Variants in HMCN2 observed in about 807,000 individuals in gnomAD.
HMCN2 encodes hemicentin-2.
HMCN2 carries 325 observed loss-of-function variants against 377.5 expected under a neutral mutation model. The ratio of observed to expected loss-of-function variants is 0.86; its 90% CI spans 0.79 to 0.94. HMCN2 has a LOEUF of 0.94. Among genes scored for constraint, HMCN2 ranks in the 40% least tolerant of loss-of-function variants. The pLI is 0.00. For missense variants in HMCN2, 4,543 were observed against 4,725.3 expected (o/e 0.96, Z 1.13); for synonymous variants, 2,007 against 2,046.8 (o/e 0.98, Z 0.53).
Position 130,400,891 on chromosome 9 carries a change from G to A in HMCN2, c.11714G>A (p.Ser3905Asn). The A allele has an allele frequency of 1.0e-5, 13 of 1,289,546 alleles. No homozygotes were observed. The highest frequency in any genetic ancestry group is 1.1e-5 in the Non-Finnish European group (11 of 988,732). The allele number at this position is 1,289,546 out of a possible 1,614,324, so 79.9% of individuals were successfully genotyped here. Residue 3905 changes from serine to asparagine, a missense_variant, in exon 77 of 98, where the codon AGC becomes AAC. Physicochemically the swap from Ser to Asn is conservative, Grantham distance 46. Coordinates refer to ENST00000683500, the MANE Select transcript of HMCN2 (RefSeq NM_001291815.2). ...TGIPAPTVSW[S>N]KAGAQLGARG... Reference sequence around the variant, plus strand: ...ATACCAGCTCCGACCGTGTCCTGGAGCAAGGCAGGCGCCCAGCTAGGAGCT... The same window carrying A: ...ATACCAGCTCCGACCGTGTCCTGGAACAAGGCAGGCGCCCAGCTAGGAGCT...
rs913316438 is a variant in HMCN2, at chr9:130,391,062, G to A, written c.9609G>A (p.Thr3203=). The A allele has an allele frequency of 7.1e-6, 7 of 987,864 alleles. No individual in the cohort carries two copies. The highest frequency in any genetic ancestry group is 1.7e-5 in the African/African-American group (1 of 57,304). The allele number at this position is 987,864 out of a possible 1,614,324, so 61.2% of individuals were successfully genotyped here. ...RLQPAQAGTY[T]CVAENTQAEA... The stretch of plus-strand genomic sequence containing the variant: ...AACCGGCCCAGGCGGGCACCTACAC[G>A]TGCGTGGCTGAGAACACCCAGGCTG... Residue 3203 remains threonine (T), a synonymous_variant, in exon 63 of 98, where the codon ACG becomes ACA. Coordinates refer to ENST00000683500, the MANE Select transcript of HMCN2 (RefSeq NM_001291815.2).
Position 130,425,145 on chromosome 9 carries a change from C to A in HMCN2, c.13641+15C>A. ...TTCAAGTGCAGGTCGGGGGTCAAGC[C>A]CTGGGGTGTGCAGACAGGGTAGGTG... On this transcript the variant is annotated intron_variant, in intron 89 of 97. Coordinates refer to ENST00000683500, the MANE Select transcript of HMCN2 (RefSeq NM_001291815.2). 2 of 1,539,304 alleles carry A rather than the reference C, an allele frequency of 1.3e-6. No individual in the cohort carries two copies. The highest frequency in any genetic ancestry group is 1.8e-6 in the Non-Finnish European group (2 of 1,141,210).
In HMCN2 at chr9:130,365,881, C is replaced by T. The variant is rs1840665260; in HGVS notation, c.6511C>T (p.Pro2171Ser). ...KHYNLNVWVA[P>S]VFPLRESHTL... ...CTCTCTCTGCTCTGACTCAGTTGCT[C>T]CAGTGTTCCCCTTGAGGGAATCCCA... The change falls in exon 43 of 98, where the codon CCA becomes TCA. Residue 2171 changes from proline to serine, a missense_variant. Pro to Ser is a moderately conservative substitution (Grantham distance 74). This residue lies in a region of HMCN2 where 1,032 missense variants were observed against 1,285.1 expected (regional missense o/e 0.80). Transcript: ENST00000683500. 4 of 985,640 alleles carry T rather than the reference C, an allele frequency of 4.1e-6. No homozygotes were observed. The highest frequency in any genetic ancestry group is 3.5e-5 in the African/African-American group (2 of 57,228). 61.1% of individuals were successfully genotyped at this position (985,640 alleles called of 1,614,324 possible).
intron 1 of HMCN2, among the ~76,000 whole-genome samples, chr9:130,276,804 A>C (rs1834719891): frequency 6.6e-6 from 1 of 152,076 alleles, no homozygotes; most frequent in Non-Finnish European, 1.5e-5. Flanking sequence ...CCTGCCCTTT[A>C]GAGATGGGAT....
rs1554927583 is a variant in HMCN2 at position 130,286,179 on chromosome 9, A to G, written c.490-9A>G. The G allele has an allele frequency of 4.2e-6, 2 of 470,644 alleles. No individual in the cohort carries two copies. The highest frequency in any genetic ancestry group is 3.6e-4 in the Middle Eastern group (1 of 2,760). The allele number at this position is 470,644 out of a possible 1,614,324, so 29.2% of individuals were successfully genotyped here. A position where few individuals can be genotyped will look rare whatever the true frequency, so the allele number is the denominator to read the frequency against. On this transcript the variant is annotated splice_polypyrimidine_tract_variant and intron_variant, in intron 3 of 97. Coordinates refer to ENST00000683500, the MANE Select transcript of HMCN2 (RefSeq NM_001291815.2). ...GAAGTCGAGAGCAGGCTGCACGTCC[A>G]TCTTCCAGGTGGTCTTTGTGCTGAC...
Position 130,303,033 on chromosome 9 carries a change from G to C in HMCN2, c.1421+32G>C. On this transcript the variant is annotated intron_variant, in intron 9 of 97. Coordinates refer to ENST00000683500, the MANE Select transcript of HMCN2 (RefSeq NM_001291815.2). This position sits in a 1 kb window ranked among gnomAD's most constrained non-coding sequence, Gnocchi z 5.2. ...GGCCCACGGCAGCTGATTGTCCCCA[G>C]CCACAGGGCTCCTGGCTGCTGAGGC... The C allele has an allele frequency of 2.2e-6, 1 of 453,162 alleles. No individual in the cohort carries two copies. The highest frequency in any genetic ancestry group is 1.6e-5 in the South Asian group (1 of 61,466). The allele number at this position is 453,162 out of a possible 1,614,324, so 28.1% of individuals were successfully genotyped here.
chr9:130,297,076 C>A (rs1436253417), intron 7 of HMCN2, among the ~76,000 whole-genome samples: 3 of 152,232 alleles, frequency 2.0e-5, no homozygotes, highest in African/African-American at 7.2e-5. Context: ...AGGACACTTA[C>A]ACTGTGCCCT....
chr9:130,345,881 G>C lies in HMCN2; in HGVS notation c.3830-1285G>C, dbSNP rs1056895201. Reference sequence around the variant, plus strand: ...TGGGCGGTCAGGGTAGGGCGGAGGGGGCAGGGCAGCCTCCTGCAGAGATGA... The same window carrying C: ...TGGGCGGTCAGGGTAGGGCGGAGGGCGCAGGGCAGCCTCCTGCAGAGATGA... On this transcript the variant is annotated intron_variant, in intron 25 of 97. Transcript: ENST00000683500. 1.6e-3 allele frequency among the ~76,000 whole-genome samples: 247 copies of C among 152,120 alleles called. 3 individuals are homozygous for C. Among genetic ancestry groups the C allele is most frequent in the Middle Eastern group, 6.8e-3 (2 of 294 alleles).
Position 130,405,017 on chromosome 9 carries a change from C to T in HMCN2, c.12297C>T (p.Phe4099=), listed in dbSNP as rs1484146739. Residue 4099 remains phenylalanine (F), a synonymous_variant, in exon 81 of 98, where the codon TTC becomes TTT. Transcript: ENST00000683500. ...CTGTGTCGGGCGCCGAGGGGAAGTTCACCATCCAGCCTTCTGGGGAGTTGC... is the reference window on the plus strand; with the variant it reads ...CTGTGTCGGGCGCCGAGGGGAAGTTTACCATCCAGCCTTCTGGGGAGTTGC... ...GQPVSGAEGK[F]TIQPSGELLV... The T allele has an allele frequency of 7.8e-6, 10 of 1,289,306 alleles. No individual in the cohort carries two copies. Among genetic ancestry groups the T allele is most frequent in the Non-Finnish European group, 1.0e-5 (10 of 988,652 alleles). The allele number at this position is 1,289,306 out of a possible 1,614,324, so 79.9% of individuals were successfully genotyped here.
At chr9:130,349,217 A>C in intron 28 of HMCN2, 86 bp downstream of exon 28, 1 of 1,229,700 alleles carries the variant, frequency 8.1e-7, no homozygotes. Flanking sequence ...GAGAGGGTAG[A>C]CTTTGCCTGC....
At chr9:130,335,915 A>G (rs1838726473) in intron 22 of HMCN2, among the ~76,000 whole-genome samples, 1 of 152,206 alleles carries the variant, frequency 6.6e-6, no homozygotes, top group Admixed American at 6.5e-5. Flanking sequence ...TAAAACCCCA[A>G]TTCCTACCTC....
chr9:130,359,393 G>T lies in HMCN2; in HGVS notation c.5752G>T (p.Ala1918Ser). ...TGCCTCAGTGACCTTGGAGTGTCTG[G>T]CTTCGGGCGTGCCCCCTCCTGGTAA... is the stretch of plus-strand genomic sequence containing the variant. ...ENASVTLECL[A>S]SGVPPPDVSW... The change falls in exon 37 of 98, where the codon GCT becomes TCT. Residue 1918 changes from alanine to serine, a missense_variant. Physicochemically the swap from Ala to Ser is moderately conservative, Grantham distance 99. Transcript: ENST00000683500. 1.5e-6 allele frequency: 2 copies of T among 1,303,148 alleles called. No individual in the cohort carries two copies. Among genetic ancestry groups the T allele is most frequent in the South Asian group, 1.2e-5 (1 of 80,962 alleles). 80.7% of individuals were successfully genotyped at this position (1,303,148 alleles called of 1,614,324 possible). A position where few individuals can be genotyped will look rare whatever the true frequency, so the allele number is the denominator to read the frequency against.
rs1296352636 is a variant in HMCN2 at position 130,433,703 on chromosome 9, G to A, written c.*10G>A. The A allele has an allele frequency of 3.4e-6, 5 of 1,455,000 alleles. No individual in the cohort carries two copies. Among genetic ancestry groups the A allele is most frequent in the Admixed American group, 2.9e-5 (1 of 34,220 alleles). 90.1% of individuals were successfully genotyped at this position (1,455,000 alleles called of 1,614,324 possible). ...CCCCTACCCCTACTAAACGGGAGAG[G>A]GCATTGGCGGCCGCCCTGGCGTGAC... On this transcript the variant is annotated 3_prime_UTR_variant, in exon 98 of 98. Transcript: ENST00000683500.
intron 12 of HMCN2, among the ~76,000 whole-genome samples, 157 bp from the exon 13 acceptor site, chr9:130,306,654 G>A (rs1056690893): frequency 1.4e-4 from 21 of 147,430 alleles, no homozygotes; most frequent in African/African-American, 4.3e-4. Context: ...TCTGAGCCTC[G>A]AGAATTAAAT....
At chr9:130,311,229 G>C (rs2131367819) in intron 15 of HMCN2, among the ~76,000 whole-genome samples, 1 of 152,362 alleles carries the variant, frequency 6.6e-6, no homozygotes, top group Non-Finnish European at 1.5e-5. Context: ...TGCTGGTCTG[G>C]GCTGAATGGG....
intron 6 of HMCN2, among the ~76,000 whole-genome samples, chr9:130,296,449 C>T (rs1836155458): frequency 6.6e-6 from 1 of 152,226 alleles, no homozygotes; most frequent in Non-Finnish European, 1.5e-5. Flanking sequence ...GCAACACAGC[C>T]TCAAGAGGGC....
Position 130,388,434 on chromosome 9 carries a change from G to T in HMCN2, c.9417G>T (p.Lys3139Asn). 1 of 988,020 alleles carries T rather than the reference G, an allele frequency of 1.0e-6. No individual in the cohort carries two copies. The highest frequency in any genetic ancestry group is 1.2e-6 in the Non-Finnish European group (1 of 830,118). The allele number at this position is 988,020 out of a possible 1,614,324, so 61.2% of individuals were successfully genotyped here. ...VQVPPTFENP[K>N]TETVSQVAGS... ...TGCCCCCAACATTTGAGAACCCCAA[G>T]ACAGAGACAGTGAGCCAGGTGGCTG... The change falls in exon 62 of 98, where the codon AAG becomes AAT. Residue 3139 changes from lysine to asparagine, a missense_variant. Coordinates refer to ENST00000683500, the MANE Select transcript of HMCN2 (RefSeq NM_001291815.2).
chr9:130,391,887 T>A (rs1310995303), intron 65 of HMCN2, 48 bp from the exon 66 acceptor site: 1 of 960,962 alleles, frequency 1.0e-6, no homozygotes, highest in African/African-American at 1.8e-5. Context: ...GAGCCCACCT[T>A]CCTCCCAAGA....
Position 130,272,840 on chromosome 9 carries a change from G to A in HMCN2, c.259+6703G>A, listed in dbSNP as rs374137311. On this transcript the variant is annotated intron_variant, in intron 1 of 97. Coordinates refer to ENST00000683500, the MANE Select transcript of HMCN2 (RefSeq NM_001291815.2). ...CCCAAAGTGCTGGGATTACAGGCCT[G>A]AACCACTGCGCCTGGCCGAGCATCT... 6.2e-4 allele frequency among the ~76,000 whole-genome samples: 95 copies of A among 152,342 alleles called. 1 individual carries two copies. The South Asian group carries it at 0.015, about 25-fold the overall frequency.
Sources: allele counts gnomAD v4.1 joint callset (sites outside exome capture counted in the v4.1 genomes callset), GRCh38; gene constraint gnomAD v4.1.1; regional missense constraint gnomAD v4.1.1; non-coding constraint Gnocchi (gnomAD v3.1); transcripts MANE v1.5; gene names NCBI Gene and HGNC (gene_info 2026-07-23, HGNC 2026-07-21).